Variants in B3GALT1 observed in about 807,000 individuals in gnomAD.
The protein encoded by B3GALT1 is UDP-Gal:betaGlcNAc beta 1,3-galactosyltransferase, polypeptide 1.
Under a neutral mutation model 23.2 loss-of-function variants are expected in B3GALT1, and 10 were observed. The observed-to-expected ratio is 0.43, with a 90% CI of 0.27 to 0.73. B3GALT1 has a LOEUF of 0.73. Ranked by LOEUF, B3GALT1 falls within the 30% of genes least tolerant of loss-of-function variation. The pLI, the probability that B3GALT1 is intolerant of heterozygous loss-of-function variation, is 0.21. For missense variants in B3GALT1, 299 were observed against 405.4 expected (o/e 0.74, Z 2.25); for synonymous variants, 156 against 141.5 (o/e 1.10, Z -0.73).
At chr2:167,704,746 G>A (rs1686943910) in intron 3 of B3GALT1, among the ~76,000 whole-genome samples, 1 of 152,108 alleles carries the variant, frequency 6.6e-6, no homozygotes, top group Non-Finnish European at 1.5e-5. Context: ...TCAAATTGAT[G>A]CATTAAGATG....
chr2:167,779,925 A>G (rs1197897965), intron 3 of B3GALT1, among the ~76,000 whole-genome samples: 1 of 152,220 alleles, frequency 6.6e-6, no homozygotes, highest in Admixed American at 6.5e-5. Context: ...CATTTGATAT[A>G]ACATATCCTA....
chr2:167,704,406 C>G (rs1686938501), intron 3 of B3GALT1, among the ~76,000 whole-genome samples: 1 of 152,006 alleles, frequency 6.6e-6, no homozygotes, highest in Non-Finnish European at 1.5e-5. Flanking sequence ...TGAGACACCA[C>G]TAACACTCCC....
At chr2:167,316,853 G>A (rs573774656) in intron 1 of B3GALT1, among the ~76,000 whole-genome samples, 136 of 152,210 alleles carry the variant, frequency 8.9e-4, no homozygotes, top group African/African-American at 3.2e-3. Flanking sequence ...CCTTGTCACA[G>A]GGTCTGATTT....
chr2:167,575,612 C>G (rs1684368027), intron 2 of B3GALT1, among the ~76,000 whole-genome samples: 1 of 151,786 alleles, frequency 6.6e-6, no homozygotes, highest in Non-Finnish European at 1.5e-5. Flanking sequence ...TCACACATCT[C>G]TATCTTGTGT....
intron 1 of B3GALT1, among the ~76,000 whole-genome samples, chr2:167,479,955 A>G (rs764218891): frequency 5.3e-5 from 8 of 152,106 alleles, no homozygotes; most frequent in Non-Finnish European, 1.2e-4. Flanking sequence ...AATGGCCCTC[A>G]TGCGCTGAGT....
chr2:167,367,543 T>C (rs1405523176), intron 1 of B3GALT1, among the ~76,000 whole-genome samples: 3 of 152,168 alleles, frequency 2.0e-5, no homozygotes, highest in Non-Finnish European at 2.9e-5. Flanking sequence ...GAATAAGATA[T>C]CTTAGAGATT....
At chr2:167,617,217 A>G (rs1032236235) in intron 2 of B3GALT1, among the ~76,000 whole-genome samples, 1 of 152,070 alleles carries the variant, frequency 6.6e-6, no homozygotes, top group African/African-American at 2.4e-5. Context: ...CATCATCCAC[A>G]TTAAAGGCAG....
At chr2:167,502,204 G>T (rs939694861) in intron 2 of B3GALT1, among the ~76,000 whole-genome samples, 1 of 152,060 alleles carries the variant, frequency 6.6e-6, no homozygotes. Flanking sequence ...TGAGAAATGC[G>T]ATAAAGAAAA....
chr2:167,415,631 G>A (rs1385414462), intron 1 of B3GALT1, among the ~76,000 whole-genome samples: 1 of 152,144 alleles, frequency 6.6e-6, no homozygotes. Context: ...TAGAAGATAA[G>A]AATACTAGGA....
intron 4 of B3GALT1, among the ~76,000 whole-genome samples, chr2:167,833,823 A>C (rs1689400261): frequency 6.6e-6 from 1 of 152,220 alleles, no homozygotes; most frequent in Non-Finnish European, 1.5e-5. Flanking sequence ...AAATTCCCAA[A>C]GGAAATACTG....
intron 2 of B3GALT1, among the ~76,000 whole-genome samples, chr2:167,556,990 A>G (rs910339697): frequency 1.3e-5 from 2 of 152,172 alleles, no homozygotes; most frequent in African/African-American, 4.8e-5. Flanking sequence ...GCCAAAGTTC[A>G]TTTATGGATC....
At chr2:167,546,098 A>T (rs1683631780) in intron 2 of B3GALT1, among the ~76,000 whole-genome samples, 1 of 152,146 alleles carries the variant, frequency 6.6e-6, no homozygotes, top group African/African-American at 2.4e-5. Flanking sequence ...AGCATTTTGA[A>T]TTTTGGAGTT....
chr2:167,803,087 C>CACAA (rs1688670518), intron 3 of B3GALT1, among the ~76,000 whole-genome samples: 1 of 106,450 alleles, frequency 9.4e-6, no homozygotes, highest in Non-Finnish European at 2.2e-5. Flanking sequence ...AACAAACACA[C>CACAA]ACACACACAC....
intron 3 of B3GALT1, among the ~76,000 whole-genome samples, chr2:167,769,553 C>G (rs1206223719): frequency 6.6e-6 from 1 of 152,174 alleles, no homozygotes; most frequent in Non-Finnish European, 1.5e-5. Flanking sequence ...ATCCATCAGG[C>G]AACCCCTTTC....
chr2:167,787,193 C>T (rs1413579215), intron 3 of B3GALT1, among the ~76,000 whole-genome samples: 1 of 152,106 alleles, frequency 6.6e-6, no homozygotes, highest in South Asian at 2.1e-4. Context: ...TCTGGATTTG[C>T]TCCATCCTAA....
At chr2:167,675,026 C>T (rs977528084) in intron 3 of B3GALT1, among the ~76,000 whole-genome samples, 2 of 152,186 alleles carry the variant, frequency 1.3e-5, no homozygotes, top group Non-Finnish European at 2.9e-5. Context: ...CACATAACAG[C>T]CTTAAGCATC....
chr2:167,711,381 G>T (rs1229290818), intron 3 of B3GALT1, among the ~76,000 whole-genome samples: 1 of 152,238 alleles, frequency 6.6e-6, no homozygotes, highest in East Asian at 1.9e-4. Context: ...TCTGACAATA[G>T]CAGATATTCA....
intron 3 of B3GALT1, among the ~76,000 whole-genome samples, chr2:167,710,312 C>G (rs1687029031): frequency 3.3e-5 from 5 of 152,164 alleles, no homozygotes; most frequent in Admixed American, 3.3e-4. Flanking sequence ...TACTCAAGAT[C>G]CCTAGAATAG....
chr2:167,860,759 T>TGGGATCA (rs1394202053), intron 4 of B3GALT1, among the ~76,000 whole-genome samples: 1 of 152,198 alleles, frequency 6.6e-6, no homozygotes, highest in Non-Finnish European at 1.5e-5. Flanking sequence ...TCAACTAATC[T>TGGGATCA]GAGTTTTTAA....
Sources: gnomAD v4.1 joint callset for allele counts (sites outside exome capture counted in the v4.1 genomes callset) on GRCh38, gnomAD v4.1.1 for gene constraint, MANE v1.5 for transcripts, NCBI Gene and HGNC (gene_info 2026-07-23, HGNC 2026-07-21) for gene names.